DNAJC1: variants seen among roughly 807,000 people sequenced by gnomAD.
DNAJC1 encodes dnaJ homolog subfamily C member 1.
In DNAJC1, 58 loss-of-function variants were observed where a neutral mutation model predicts 76.6. That is an observed-to-expected ratio of 0.76 (90% CI 0.61 to 0.94). The LOEUF is 0.94. DNAJC1 is among the 40% of genes least tolerant of loss of function. The pLI is 0.00. For synonymous variants in DNAJC1, 258 were observed against 267.9 expected (o/e 0.96, Z 0.36); for missense variants, 689 against 677.3 (o/e 1.02, Z -0.19).
At chr10:21,868,839 T>C (rs1836054125) in intron 8 of DNAJC1, among the ~76,000 whole-genome samples, 1 of 152,026 alleles carries the variant, frequency 6.6e-6, no homozygotes, top group Non-Finnish European at 1.5e-5. Flanking sequence ...TGCCTCATTA[T>C]ACCCTCCTCC....
At chr10:21,762,111 GTATT>G (rs1398191200) in intron 10 of DNAJC1, among the ~76,000 whole-genome samples, 1 of 151,984 alleles carries the variant, frequency 6.6e-6, no homozygotes, top group East Asian at 1.9e-4. Flanking sequence ...GCTAATTTTT[GTATT>G]TATAGAACAG....
At chr10:21,979,118 A>T (rs1056078712) in intron 1 of DNAJC1, among the ~76,000 whole-genome samples, 16 of 151,880 alleles carry the variant, frequency 1.1e-4, no homozygotes, top group Non-Finnish European at 2.1e-4. Flanking sequence ...TTTTCTTGCA[A>T]TTAAAGACAA....
chr10:21,903,619 C>T (rs1288446880), intron 7 of DNAJC1, among the ~76,000 whole-genome samples: 1 of 152,088 alleles, frequency 6.6e-6, no homozygotes. Context: ...TATTATGTGC[C>T]AGGACCCTGT....
chr10:21,978,570 A>T (rs1410570617), intron 1 of DNAJC1, among the ~76,000 whole-genome samples: 1 of 152,128 alleles, frequency 6.6e-6, no homozygotes, highest in Non-Finnish European at 1.5e-5. Flanking sequence ...TTGTCTTCCA[A>T]TACTATCAAA....
chr10:21,979,812 A>G (rs967513410), intron 1 of DNAJC1, among the ~76,000 whole-genome samples: 1 of 151,874 alleles, frequency 6.6e-6, no homozygotes, highest in African/African-American at 2.4e-5. Flanking sequence ...ACCTACCCAC[A>G]GCAAACTTTG....
chr10:21,830,340 C>T (rs1307448475), intron 8 of DNAJC1, among the ~76,000 whole-genome samples: 1 of 152,082 alleles, frequency 6.6e-6, no homozygotes, highest in African/African-American at 2.4e-5. Flanking sequence ...TATTTTATTC[C>T]TACTTTCAAC....
intron 1 of DNAJC1, among the ~76,000 whole-genome samples, chr10:21,982,235 C>CAT (rs1590078582): frequency 6.6e-6 from 1 of 152,080 alleles, no homozygotes; most frequent in Admixed American, 6.5e-5. Flanking sequence ...CGCCTCACAT[C>CAT]ATATATATAA....
intron 1 of DNAJC1, among the ~76,000 whole-genome samples, chr10:21,993,853 A>G (rs1273603815): frequency 6.6e-6 from 1 of 152,026 alleles, no homozygotes; most frequent in Non-Finnish European, 1.5e-5. Context: ...ATATTTTCCC[A>G]CTTCTCTAAA....
intron 9 of DNAJC1, among the ~76,000 whole-genome samples, chr10:21,783,518 C>T (rs1293901759): frequency 6.6e-6 from 1 of 152,168 alleles, no homozygotes; most frequent in Non-Finnish European, 1.5e-5. Flanking sequence ...ATCAAGCTAC[C>T]AATGACTTTC....
At chr10:21,866,875 T>A (rs1238880747) in intron 8 of DNAJC1, among the ~76,000 whole-genome samples, 1 of 152,082 alleles carries the variant, frequency 6.6e-6, no homozygotes, top group African/African-American at 2.4e-5. Flanking sequence ...AACTAGAACA[T>A]CCTCATGTGT....
intron 8 of DNAJC1, among the ~76,000 whole-genome samples, chr10:21,808,821 T>C (rs1212150315): frequency 6.6e-6 from 1 of 152,180 alleles, no homozygotes; most frequent in Non-Finnish European, 1.5e-5. Flanking sequence ...CCGGGCCAAA[T>C]ATTCATCTCT....
intron 9 of DNAJC1, among the ~76,000 whole-genome samples, chr10:21,779,280 AACAG>A (rs1388054332): frequency 1.3e-5 from 2 of 152,132 alleles, no homozygotes; most frequent in Non-Finnish European, 2.9e-5. Context: ...GAGATATGAA[AACAG>A]ACAGACTGCC....
chr10:21,807,984 A>G (rs758145200), intron 8 of DNAJC1, among the ~76,000 whole-genome samples: 1 of 152,174 alleles, frequency 6.6e-6, no homozygotes, highest in Non-Finnish European at 1.5e-5. Context: ...TTTTATTGCT[A>G]AAAAGCTTTA....
chr10:21,994,803 C>CA (rs1400106869), intron 1 of DNAJC1, among the ~76,000 whole-genome samples: 2 of 151,214 alleles, frequency 1.3e-5, no homozygotes, highest in East Asian at 3.9e-4. Flanking sequence ...AACAAACAAA[C>CA]AAAAAAACAC....
intron 6 of DNAJC1, among the ~76,000 whole-genome samples, chr10:21,912,723 G>A (rs1258817002): frequency 6.6e-6 from 1 of 152,130 alleles, no homozygotes; most frequent in East Asian, 1.9e-4. Flanking sequence ...AGGCGACTCA[G>A]CTTGAAACAA....
intron 8 of DNAJC1, among the ~76,000 whole-genome samples, chr10:21,848,994 T>C (rs1383617306): frequency 1.3e-5 from 2 of 152,018 alleles, no homozygotes; most frequent in African/African-American, 4.8e-5. Flanking sequence ...GGTAATCTTA[T>C]AATAGTAAAT....
chr10:21,953,821 T>TAAAA (rs779370823), intron 1 of DNAJC1, among the ~76,000 whole-genome samples: 17 of 84,912 alleles, frequency 2.0e-4, no homozygotes, highest in African/African-American at 3.8e-4. Context: ...AACTGAACTT[T>TAAAA]AAAAAAAAAA....
chr10:21,857,759 G>C (rs978344316), intron 8 of DNAJC1, among the ~76,000 whole-genome samples: 8 of 152,244 alleles, frequency 5.3e-5, no homozygotes, highest in African/African-American at 1.9e-4. Context: ...GGGAGGCTGA[G>C]GCAGGAAAAC....
At chr10:21,967,511 T>C (rs543073706) in intron 1 of DNAJC1, among the ~76,000 whole-genome samples, 9 of 152,344 alleles carry the variant, frequency 5.9e-5, no homozygotes, top group African/African-American at 1.4e-4. Context: ...TATTTACCCA[T>C]TGAGTTTTTA....
Sources: gnomAD v4.1 joint callset for allele counts (sites outside exome capture counted in the v4.1 genomes callset) on GRCh38, gnomAD v4.1.1 for gene constraint, MANE v1.5 for transcripts, NCBI Gene and HGNC (gene_info 2026-07-23, HGNC 2026-07-21) for gene names.